PLXNA4: variants seen among roughly 807,000 people sequenced by gnomAD.
The protein encoded by PLXNA4 is plexin-A4.
A neutral mutation model predicts 191.8 loss-of-function variants in PLXNA4; 44 were observed. The observed-to-expected ratio is 0.23, with a 90% CI of 0.18 to 0.29. The LOEUF (loss-of-function observed/expected upper bound fraction) is 0.29. PLXNA4 is among the 10% of genes least tolerant of loss of function. The pLI is 1.00. For synonymous variants in PLXNA4, 1,082 were observed against 1,009.5 expected (o/e 1.07, Z -1.36); for missense variants, 1,800 against 2,488.8 (o/e 0.72, Z 5.89).
At chr7:132,410,882 C>G (rs996629391) in intron 3 of PLXNA4, among the ~76,000 whole-genome samples, 3 of 152,222 alleles carry the variant, frequency 2.0e-5, no homozygotes, top group East Asian at 3.8e-4. Flanking sequence ...TAGGTGGAAA[C>G]TCCACTGGAA....
intron 3 of PLXNA4, among the ~76,000 whole-genome samples, chr7:132,378,674 A>G (rs1804761315): frequency 6.6e-6 from 1 of 152,136 alleles, no homozygotes; most frequent in African/African-American, 2.4e-5. Flanking sequence ...ATGAGGTTCA[A>G]AGAAAGAGAA....
intron 2 of PLXNA4, among the ~76,000 whole-genome samples, chr7:132,593,349 T>C (rs568841751): frequency 1.3e-5 from 2 of 152,288 alleles, no homozygotes; most frequent in African/African-American, 4.8e-5. Flanking sequence ...TTGTCATCTT[T>C]AGGGTCTCAT....
intron 2 of PLXNA4, among the ~76,000 whole-genome samples, chr7:132,492,053 A>T (rs1316314969): frequency 1.3e-5 from 2 of 152,160 alleles, no homozygotes; most frequent in Non-Finnish European, 2.9e-5. Flanking sequence ...CAAATTTCTC[A>T]GGCCTAAACT....
At chr7:132,517,944 C>A (rs189249199) in intron 1 of PLXNA4, among the ~76,000 whole-genome samples, 8 of 152,296 alleles carry the variant, frequency 5.3e-5, no homozygotes, top group African/African-American at 1.9e-4. Flanking sequence ...ATTTGTAATC[C>A]GTGCATTCAA....
chr7:132,277,506 G>T (rs373848354), intron 4 of PLXNA4, among the ~76,000 whole-genome samples: 1 of 152,152 alleles, frequency 6.6e-6, no homozygotes, highest in African/African-American at 2.4e-5. Flanking sequence ...TTTGAATCAC[G>T]CACAGGATTC....
In PLXNA4 at chr7:132,146,706, A is replaced by C. The variant is rs760654618; in HGVS notation, c.4865-6T>G. 1.9e-6 allele frequency: 3 copies of C among 1,613,876 alleles called. No individual in the cohort carries two copies. The Admixed American group carries it at 5.0e-5, about 27-fold the overall frequency. On this transcript the variant is annotated splice_region_variant and splice_polypyrimidine_tract_variant and intron_variant, in intron 27 of 31. Transcript: ENST00000321063. ...CGTGTACCGGATCATGTTTTCTGCC[A>C]AGGCAAGGATCACCCCCCGACATAT... is the stretch of plus-strand genomic sequence containing the variant.
chr7:132,138,580 CTT>C (rs977133316), intron 30 of PLXNA4, among the ~76,000 whole-genome samples: 11 of 152,184 alleles, frequency 7.2e-5, no homozygotes, highest in African/African-American at 2.4e-4. Context: ...ATCTATCTGT[CTT>C]TGTACCCCGG....
chr7:132,405,643 C>A (rs1794189135), intron 3 of PLXNA4, among the ~76,000 whole-genome samples: 1 of 152,168 alleles, frequency 6.6e-6, no homozygotes, highest in African/African-American at 2.4e-5. Context: ...GTGGATGCCC[C>A]ACAGGTCCCA....
At chr7:132,563,142 CTCT>C (rs1158214652) in intron 1 of PLXNA4, among the ~76,000 whole-genome samples, 4 of 98,336 alleles carry the variant, frequency 4.1e-5, no homozygotes, top group Admixed American at 9.3e-5. Flanking sequence ...CCTCCTTCTC[CTCT>C]TCCTCCTTCT....
At chr7:132,417,815 C>T (rs1484633974) in intron 3 of PLXNA4, among the ~76,000 whole-genome samples, 1 of 152,028 alleles carries the variant, frequency 6.6e-6, no homozygotes, top group African/African-American at 2.4e-5. Context: ...GTTATTTCAT[C>T]CCAGGAAAGC....
intron 31 of PLXNA4, among the ~76,000 whole-genome samples, chr7:132,132,255 C>T (rs1234228354): frequency 6.6e-6 from 1 of 152,204 alleles, no homozygotes; most frequent in Non-Finnish European, 1.5e-5. Context: ...GCTCCTGACC[C>T]CATGCATAGG....
chr7:132,583,378 G>A (rs1025942368), intron 2 of PLXNA4, among the ~76,000 whole-genome samples: 5 of 152,090 alleles, frequency 3.3e-5, no homozygotes, highest in East Asian at 3.9e-4. Context: ...GACTAGAAGC[G>A]AGATGTGATT....
At chr7:132,171,113 C>T (rs1423899639) in intron 21 of PLXNA4, among the ~76,000 whole-genome samples, 1 of 152,220 alleles carries the variant, frequency 6.6e-6, no homozygotes, top group Non-Finnish European at 1.5e-5. Flanking sequence ...CCACCCCCAT[C>T]ACATACATGC....
chr7:132,227,374 C>T (rs1798362798), intron 7 of PLXNA4, 77 bp downstream of exon 7: 13 of 1,582,784 alleles, frequency 8.2e-6, no homozygotes, highest in Non-Finnish European at 1.0e-5. Context: ...GCTTTGATCC[C>T]CCCACATCTG....
intron 3 of PLXNA4, among the ~76,000 whole-genome samples, chr7:132,369,026 G>A (rs956040672): frequency 6.6e-5 from 10 of 152,078 alleles, no homozygotes; most frequent in African/African-American, 9.7e-5. Flanking sequence ...CTATCCTGCC[G>A]CACACCTCCA....
chr7:132,151,548 GAGGAGGAGGAGAAAGGAGGAGGAGGAGAA>G lies in PLXNA4; in HGVS notation c.4661-2931_4661-2903del, dbSNP rs370284342. Among the ~76,000 whole-genome samples the G allele has an allele frequency of 2.5e-4, 26 of 103,288 alleles. 3 individuals are homozygous for G. The highest frequency in any genetic ancestry group is 9.3e-4 in the African/African-American group (24 of 25,800). The allele number at this position is 103,288 out of a possible 152,430, so 67.8% of individuals were successfully genotyped here. On this transcript the variant is annotated intron_variant, in intron 25 of 31. Coordinates refer to ENST00000321063, the MANE Select transcript of PLXNA4 (RefSeq NM_020911.2). ...AGGAGAAAGGAGGAGGAGGAGAAAG[GAGGAGGAGGAGAAAGGAGGAGGAGGAGAA>G]AGGAGGAGGAGAAAGGAGGAGAGGG...
chr7:132,538,552 T>C (rs1470104182), intron 1 of PLXNA4, among the ~76,000 whole-genome samples: 1 of 152,258 alleles, frequency 6.6e-6, no homozygotes, highest in African/African-American at 2.4e-5. Flanking sequence ...TTGCTCATTG[T>C]GTAAACCTTT....
chr7:132,561,739 CCTCCTTCTT>C (rs1801108751), intron 1 of PLXNA4, among the ~76,000 whole-genome samples: 1 of 140,124 alleles, frequency 7.1e-6, no homozygotes, highest in Non-Finnish European at 1.5e-5. Flanking sequence ...TCCTCCTCCT[CCTCCTTCTT>C]CTCCTCCTCC....
chr7:132,351,978 G>A (rs1166497720), intron 3 of PLXNA4, among the ~76,000 whole-genome samples: 1 of 152,142 alleles, frequency 6.6e-6, no homozygotes, highest in Non-Finnish European at 1.5e-5. Context: ...AAACCACAGG[G>A]CTTTCCACTT....
Sources: allele counts gnomAD v4.1 joint callset (sites outside exome capture counted in the v4.1 genomes callset), GRCh38; gene constraint gnomAD v4.1.1; transcripts MANE v1.5; gene names NCBI Gene and HGNC (gene_info 2026-07-23, HGNC 2026-07-21).